The following TMEM184B variants were observed in gnomAD, a reference collection of about 807,000 sequenced individuals.
TMEM184B encodes the protein transmembrane protein 184B.
In TMEM184B, 17 loss-of-function variants were observed where a neutral mutation model predicts 41.8. That is an observed-to-expected ratio of 0.41 (90% CI 0.28 to 0.61). TMEM184B has a LOEUF of 0.61. TMEM184B is among the 20% of genes least tolerant of loss of function. The pLI is 0.34. For missense variants in TMEM184B, 393 were observed against 557.8 expected (o/e 0.70, Z 2.98); for synonymous variants, 240 against 229.5 (o/e 1.05, Z -0.41).
intron 1 of TMEM184B, among the ~76,000 whole-genome samples, chr22:38,266,986 G>A (rs2092452428): frequency 6.6e-6 from 1 of 151,972 alleles, no homozygotes; most frequent in Admixed American, 6.6e-5. Context: ...GGGAGGCTGA[G>A]GCAGGAGAAT....
At chr22:38,256,140 C>T (rs889654488) in intron 1 of TMEM184B, among the ~76,000 whole-genome samples, 1 of 151,834 alleles carries the variant, frequency 6.6e-6, no homozygotes, top group African/African-American at 2.4e-5. Context: ...CATCTGAGGT[C>T]GGGAGTTTGA....
chr22:38,226,513 T>C lies in TMEM184B; in HGVS notation c.617+266A>G, dbSNP rs11913482. Reference sequence around the variant, plus strand: ...CGCTCCCTGCCTCAGCAGTGGTCACTGTCCCTTTGTGGCCCATCCCTTCAT... The same window carrying C: ...CGCTCCCTGCCTCAGCAGTGGTCACCGTCCCTTTGTGGCCCATCCCTTCAT... On this transcript the variant is annotated intron_variant, in intron 6 of 8. Transcript: ENST00000361906. This position sits in a 1 kb window ranked among gnomAD's most constrained non-coding sequence, Gnocchi z 4.6. 18,568 of 417,334 alleles carry C rather than the reference T, an allele frequency of 0.044. 1,871 individuals are homozygous for C. Among genetic ancestry groups the C allele is most frequent in the African/African-American group, 0.26 (12,941 of 49,698 alleles). The allele number at this position is 417,334 out of a possible 1,614,324, so 25.9% of individuals were successfully genotyped here. A position where few individuals can be genotyped will look rare whatever the true frequency, so the allele number is the denominator to read the frequency against.
At chr22:38,247,738 C>A (rs2092067583) in intron 2 of TMEM184B, 32 bp downstream of exon 2, 1 of 1,592,142 alleles carries the variant, frequency 6.3e-7, no homozygotes. Flanking sequence ...CTTTCTGGAC[C>A]TTTCTAGAGG....
In TMEM184B at chr22:38,225,063, C is replaced by T; in HGVS notation, c.788-84G>A. ...TTCCACAATGCCCCATTCAGCTGCC[C>T]ACATGCCCCAGTGAGGATGTGAGCA... is the stretch of plus-strand genomic sequence containing the variant. On this transcript the variant is annotated intron_variant, in intron 7 of 8. Transcript: ENST00000361906. The surrounding 1 kb of genome is among the most constrained non-coding windows in gnomAD (Gnocchi z 4.4). The T allele has an allele frequency of 1.4e-6, 2 of 1,412,984 alleles. No homozygotes were observed. The highest frequency in any genetic ancestry group is 1.4e-5 in the South Asian group (1 of 71,418). The allele number at this position is 1,412,984 out of a possible 1,614,324, so 87.5% of individuals were successfully genotyped here.
In TMEM184B at chr22:38,219,815, A is replaced by AC; in HGVS notation, c.*1653dup. ...TGGTCCTCAGCCTGTGTCTGCACCCACCCTCCCGGGCAGCTTGGGCCCAAC... is the reference window on the plus strand; with the variant it reads ...TGGTCCTCAGCCTGTGTCTGCACCCACCCCTCCCGGGCAGCTTGGGCCCAAC... On this transcript the variant is annotated 3_prime_UTR_variant, in exon 9 of 9. Transcript: ENST00000361906. The AC allele has an allele frequency of 1.0e-6, 1 of 985,372 alleles. No homozygotes were observed. Among genetic ancestry groups the AC allele is most frequent in the Non-Finnish European group, 1.2e-6 (1 of 829,954 alleles). The allele number at this position is 985,372 out of a possible 1,614,324, so 61.0% of individuals were successfully genotyped here.
intron 3 of TMEM184B, among the ~76,000 whole-genome samples, chr22:38,238,720 G>T (rs2091840305): frequency 6.6e-6 from 1 of 152,180 alleles, no homozygotes; most frequent in African/African-American, 2.4e-5. Context: ...TCCCTAACAG[G>T]AGTTCACACT....
chr22:38,262,170 A>T (rs771756387), intron 1 of TMEM184B, among the ~76,000 whole-genome samples: 1 of 152,160 alleles, frequency 6.6e-6, no homozygotes, highest in African/African-American at 2.4e-5. Context: ...CGTTCTGTAC[A>T]CTCTGTGTGT....
chr22:38,252,301 TCCTCCCATCTTGG>T (rs940405355), intron 1 of TMEM184B, among the ~76,000 whole-genome samples: 8 of 152,258 alleles, frequency 5.3e-5, no homozygotes, highest in African/African-American at 1.9e-4. Flanking sequence ...GCTCAAGCGA[TCCTCCCATCTTGG>T]CCTCCCAAAG....
At chr22:38,250,633 T>C (rs1050978903) in intron 1 of TMEM184B, among the ~76,000 whole-genome samples, 1 of 152,308 alleles carries the variant, frequency 6.6e-6, no homozygotes, top group Middle Eastern at 3.4e-3. Context: ...ACATGGGGAA[T>C]TGTGGGGGGA....
chr22:38,249,005 G>A (rs543579849), intron 1 of TMEM184B, among the ~76,000 whole-genome samples: 25 of 152,142 alleles, frequency 1.6e-4, no homozygotes, highest in Admixed American at 5.2e-4. Flanking sequence ...CCTCCTGAAA[G>A]CCTGCCTGCA....
intron 5 of TMEM184B, among the ~76,000 whole-genome samples, chr22:38,227,940 C>T (rs1280756783): frequency 1.3e-5 from 2 of 152,170 alleles, no homozygotes; most frequent in African/African-American, 4.8e-5. Flanking sequence ...TAAATCTAAG[C>T]CCTAAGACCC....
chr22:38,234,102 G>C (rs897378972), intron 3 of TMEM184B, among the ~76,000 whole-genome samples: 5 of 152,166 alleles, frequency 3.3e-5, no homozygotes, highest in African/African-American at 1.2e-4. Flanking sequence ...CACACCTCGT[G>C]ATGCTGACAC....
At chr22:38,246,854 T>C in intron 2 of TMEM184B, 1 of 1,302,948 alleles carries the variant, frequency 7.7e-7, no homozygotes, top group Non-Finnish European at 1.0e-6. Flanking sequence ...CCAGCTCTCA[T>C]GACATCACAC....
At position 38,225,608 on chromosome 22, in the gene TMEM184B, G is replaced by A; in HGVS notation, c.618-15C>T. The A allele has an allele frequency of 1.9e-6, 3 of 1,600,470 alleles. No homozygotes were observed. The highest frequency in any genetic ancestry group is 1.8e-5 in the Admixed American group (1 of 56,972). ...CACTGGTGACGCTGCGGGACGGGGA[G>A]CATTTTCTGGCTGGGACAGACCCTT... On this transcript the variant is annotated splice_polypyrimidine_tract_variant and intron_variant, in intron 6 of 8. Transcript: ENST00000361906. The surrounding 1 kb of genome is among the most constrained non-coding windows in gnomAD (Gnocchi z 4.4).
intron 1 of TMEM184B, among the ~76,000 whole-genome samples, chr22:38,271,933 G>T (rs2092529911): frequency 6.6e-6 from 1 of 152,238 alleles, no homozygotes; most frequent in Admixed American, 6.5e-5. Context: ...GCCTCTGCAG[G>T]TGCAGGTGAG....
chr22:38,256,257 G>C (rs2092277240), intron 1 of TMEM184B, among the ~76,000 whole-genome samples: 1 of 150,602 alleles, frequency 6.6e-6, no homozygotes, highest in Admixed American at 6.6e-5. Flanking sequence ...CTGTCACCCA[G>C]GCCGGAGTGC....
At position 38,220,987 on chromosome 22, in the gene TMEM184B, C is replaced by G. The variant is rs1302280808; in HGVS notation, c.*482G>C. On this transcript the variant is annotated 3_prime_UTR_variant, in exon 9 of 9. Transcript: ENST00000361906. Reference sequence around the variant, plus strand: ...CACTCCTGCCCGGGGTGAGGTGAATCTAGCACTGGACAAAGGTGGACAGGG... The same window carrying G: ...CACTCCTGCCCGGGGTGAGGTGAATGTAGCACTGGACAAAGGTGGACAGGG... The G allele has an allele frequency of 2.0e-6, 2 of 995,098 alleles. No individual in the cohort carries two copies. Among genetic ancestry groups the G allele is most frequent in the Admixed American group, 1.1e-4 (2 of 17,516 alleles). 61.6% of individuals were successfully genotyped at this position (995,098 alleles called of 1,614,324 possible). A position where few individuals can be genotyped will look rare whatever the true frequency, so the allele number is the denominator to read the frequency against.
At chr22:38,252,648 G>A (rs1227314676) in intron 1 of TMEM184B, among the ~76,000 whole-genome samples, 1 of 152,166 alleles carries the variant, frequency 6.6e-6, no homozygotes, top group Non-Finnish European at 1.5e-5. Context: ...GCAGGCTGGG[G>A]AGGGGGTCAG....
In TMEM184B at chr22:38,225,654, G is replaced by A. The variant is rs991804847; in HGVS notation, c.618-61C>T. On this transcript the variant is annotated intron_variant, in intron 6 of 8. Transcript: ENST00000361906. The surrounding 1 kb of genome is among the most constrained non-coding windows in gnomAD (Gnocchi z 4.4). ...CCCTTGGAGGGAAGGGGCTCTCCTC[G>A]ACTGCACCACACACAGTCCCCATGG... The A allele has an allele frequency of 8.6e-6, 13 of 1,519,692 alleles. No individual in the cohort carries two copies. The highest frequency in any genetic ancestry group is 2.5e-5 in the East Asian group (1 of 39,498). The allele number at this position is 1,519,692 out of a possible 1,614,324, so 94.1% of individuals were successfully genotyped here. A position where few individuals can be genotyped will look rare whatever the true frequency, so the allele number is the denominator to read the frequency against.
Sources: allele counts gnomAD v4.1 joint callset (sites outside exome capture counted in the v4.1 genomes callset), GRCh38; gene constraint gnomAD v4.1.1; non-coding constraint Gnocchi (gnomAD v3.1); transcripts MANE v1.5; gene names NCBI Gene and HGNC (gene_info 2026-07-23, HGNC 2026-07-21).